The following TIE1 variants were observed in gnomAD, a reference collection of about 807,000 sequenced individuals.
TIE1 encodes the protein tyrosine-protein kinase receptor Tie-1.
A neutral mutation model predicts 130.5 loss-of-function variants in TIE1; 89 were observed. That is an observed-to-expected ratio of 0.68 (90% CI 0.57 to 0.81). The LOEUF (loss-of-function observed/expected upper bound fraction) is 0.81. Ranked by LOEUF, TIE1 falls within the 40% of genes least tolerant of loss-of-function variation. The probability of loss-of-function intolerance (pLI) is 0.00; values close to 1 mark genes in which losing one functional copy is unlikely to be tolerated. For missense variants in TIE1, 1,392 were observed against 1,559.8 expected (o/e 0.89, Z 1.81); for synonymous variants, 568 against 629.4 (o/e 0.90, Z 1.46).
Position 43,317,983 on chromosome 1 carries a change from C to T in TIE1, c.2833C>T (p.His945Tyr), listed in dbSNP as rs1221274574. 1.2e-6 allele frequency: 2 copies of T among 1,611,404 alleles called. No individual in the cohort carries two copies. The highest frequency in any genetic ancestry group is 3.4e-5 in the Admixed American group (2 of 59,644). The change falls in exon 17 of 23, where the codon CAT (histidine) becomes TAT (tyrosine). Residue 945 changes from histidine to tyrosine, a missense_variant. By Grantham distance (83) the His-to-Tyr change is moderately conservative. Around this residue, in one of 6 missense-constraint regions of TIE1, gnomAD observed 286 missense variants for 354.4 expected, o/e 0.81. Transcript: ENST00000372476. This position sits in a 1 kb window ranked among gnomAD's most constrained non-coding sequence, Gnocchi z 5.1. ...GACTGACCCAGCTTTTGCTCGAGAG[C>T]ATGGGACAGCCTCTACCCTTAGCTC... is the stretch of plus-strand genomic sequence containing the variant. ...LETDPAFAREHGTASTLSSRQ... is the reference protein window; with the variant it reads ...LETDPAFAREYGTASTLSSRQ...
At chr1:43,314,200 T>G in intron 14 of TIE1, 1 of 695,148 alleles carries the variant, frequency 1.4e-6, no homozygotes. Flanking sequence ...ATATTTAATA[T>G]TCCCATTTCA....
rs1646819222 is a variant in TIE1, at chr1:43,313,256, G to A, written c.2049G>A (p.Val683=). ...CCAAGTACGTTGTGGAGGTGCAGGT[G>A]GCTGGGGGTGCAGGAGACCCACTGT... is the stretch of plus-strand genomic sequence containing the variant. The part of the protein sequence containing the change: ...PISKYVVEVQ[V]AGGAGDPLWI... The change falls in exon 13 of 23, where the codon GTG becomes GTA. Residue 683 remains valine, a synonymous_variant. Transcript: ENST00000372476. The surrounding 1 kb of genome is among the most constrained non-coding windows in gnomAD (Gnocchi z 6.2). 3 of 1,613,944 alleles carry A rather than the reference G, an allele frequency of 1.9e-6. No individual in the cohort carries two copies. The highest frequency in any genetic ancestry group is 2.5e-6 in the Non-Finnish European group (3 of 1,179,950).
At chr1:43,314,378 T>C in intron 14 of TIE1, 5 of 1,131,782 alleles carry the variant, frequency 4.4e-6, no homozygotes, top group South Asian at 2.0e-5. Context: ...CTTTTGTCCT[T>C]GCAGGCCTTC....
chr1:43,307,771 C>CT lies in TIE1; in HGVS notation c.914-24dup. ...TCATTGCCCCCTGTCCCATGCCCCT[C>CT]TAATCATACCTCCTCTATTCCCAGC... On this transcript the variant is annotated intron_variant, in intron 6 of 22. Transcript: ENST00000372476. The surrounding 1 kb of genome is among the most constrained non-coding windows in gnomAD (Gnocchi z 5.4). The CT allele has an allele frequency of 6.2e-7, 1 of 1,613,912 alleles. No individual in the cohort carries two copies. Among genetic ancestry groups the CT allele is most frequent in the Non-Finnish European group, 8.5e-7 (1 of 1,179,844 alleles).
At chr1:43,321,830 G>C (rs772311402) in intron 22 of TIE1, 115 bp downstream of exon 22, 80 of 983,816 alleles carry the variant, frequency 8.1e-5, no homozygotes, top group Non-Finnish European at 1.1e-4. Flanking sequence ...CTCCCTCAGT[G>C]GGGGCTGTCA....
chr1:43,314,606 T>C (rs1646841225), intron 14 of TIE1: 1 of 940,722 alleles, frequency 1.1e-6, no homozygotes, highest in Admixed American at 6.1e-5. Flanking sequence ...GGCGGGTGGA[T>C]CGCCTGAGGT....
chr1:43,301,236 C>T, intron 1 of TIE1, 107 bp downstream of exon 1: 3 of 1,273,082 alleles, frequency 2.4e-6, no homozygotes, highest in East Asian at 2.5e-5. Context: ...TGATGGTTGC[C>T]ATGGGCTGCA....
At position 43,307,741 on chromosome 1, in the gene TIE1, T is replaced by G. The variant is rs529431238; in HGVS notation, c.914-55T>G. 2 of 1,609,872 alleles carry G rather than the reference T, an allele frequency of 1.2e-6. No homozygotes were observed. Among genetic ancestry groups the G allele is most frequent in the African/African-American group, 2.7e-5 (2 of 74,986 alleles). ...TGTGCCCCATCTGCGCCCTCATCTG[T>G]GCCCTCATTGCCCCCTGTCCCATGC... On this transcript the variant is annotated intron_variant, in intron 6 of 22. Transcript: ENST00000372476. The surrounding 1 kb of genome is among the most constrained non-coding windows in gnomAD (Gnocchi z 5.4).
Position 43,317,525 on chromosome 1 carries a change from A to C in TIE1, c.2621-39A>C, listed in dbSNP as rs1249973693. On this transcript the variant is annotated intron_variant, in intron 15 of 22. Coordinates refer to ENST00000372476, the MANE Select transcript of TIE1 (RefSeq NM_005424.5). This position sits in a 1 kb window ranked among gnomAD's most constrained non-coding sequence, Gnocchi z 5.1. ...CAGCCCTTGCCAGCCCTTTCTCCAG[A>C]GTTATTTCTGGCAAAATAATATTGG... 5 of 1,608,844 alleles carry C rather than the reference A, an allele frequency of 3.1e-6. No individual in the cohort carries two copies. The Admixed American group carries it at 5.0e-5, about 16-fold the overall frequency.
intron 1 of TIE1, among the ~76,000 whole-genome samples, chr1:43,301,455 C>G (rs1646668767): frequency 6.6e-6 from 1 of 150,746 alleles, no homozygotes; most frequent in Non-Finnish European, 1.5e-5. Context: ...GACCCCGTCT[C>G]CATTGTGTTT....
Position 43,313,649 on chromosome 1 carries a change from G to A in TIE1, c.2219-129G>A. 1 of 1,141,180 alleles carries A rather than the reference G, an allele frequency of 8.8e-7. No individual in the cohort carries two copies. Among genetic ancestry groups the A allele is most frequent in the Non-Finnish European group, 1.2e-6 (1 of 822,412 alleles). The allele number at this position is 1,141,180 out of a possible 1,614,324, so 70.7% of individuals were successfully genotyped here. A position where few individuals can be genotyped will look rare whatever the true frequency, so the allele number is the denominator to read the frequency against. ...TGACACCCCTCATCCCTTCCTTCAT[G>A]TGGCCCAAGTGATTTCCTGACAGTC... On this transcript the variant is annotated intron_variant, in intron 13 of 22. Transcript: ENST00000372476. This position sits in a 1 kb window ranked among gnomAD's most constrained non-coding sequence, Gnocchi z 6.2.
rs768742228 is a variant in TIE1 at position 43,317,696 on chromosome 1, T to C, written c.2731+22T>C. The C allele has an allele frequency of 6.5e-7, 1 of 1,547,440 alleles. No homozygotes were observed. Among genetic ancestry groups the C allele is most frequent in the Non-Finnish European group, 8.8e-7 (1 of 1,141,488 alleles). On this transcript the variant is annotated intron_variant, in intron 16 of 22. Coordinates refer to ENST00000372476, the MANE Select transcript of TIE1 (RefSeq NM_005424.5). This position sits in a 1 kb window ranked among gnomAD's most constrained non-coding sequence, Gnocchi z 5.1. ...CGAGGTGAGCCCCCAGCTCATCACCTACCCCTTCTTCCAAACCCCCATCCT... is the reference window on the plus strand; with the variant it reads ...CGAGGTGAGCCCCCAGCTCATCACCCACCCCTTCTTCCAAACCCCCATCCT...
At chr1:43,314,147 A>G (rs747300391) in intron 14 of TIE1, 179 bp downstream of exon 14, 13 of 854,488 alleles carry the variant, frequency 1.5e-5, no homozygotes, top group Non-Finnish European at 2.4e-5. Context: ...TTATTTCTCT[A>G]AAACTGAATT....
At position 43,307,106 on chromosome 1, in the gene TIE1, G is replaced by A. The variant is rs374760349; in HGVS notation, c.641-36G>A. 5 of 1,613,688 alleles carry A rather than the reference G, an allele frequency of 3.1e-6. No homozygotes were observed. In the African/African-American group the frequency reaches 6.7e-5, roughly 22 times the overall value. The stretch of plus-strand genomic sequence containing the variant: ...GATCTCCAGTCCTCAGTGGTCAGGT[G>A]GGTGAGGGTCAGCTGCTGAAGACAC... On this transcript the variant is annotated intron_variant, in intron 4 of 22. Coordinates refer to ENST00000372476, the MANE Select transcript of TIE1 (RefSeq NM_005424.5). The surrounding 1 kb of genome is among the most constrained non-coding windows in gnomAD (Gnocchi z 5.4).
Position 43,313,000 on chromosome 1 carries a change from G to T in TIE1, c.1928-135G>T. ...ATGGAGAGGAATTCAGTCTGGTGGG[G>T]AGGAGGAAGTTGGCAGGGTGGCCCC... On this transcript the variant is annotated intron_variant, in intron 12 of 22. Transcript: ENST00000372476. The surrounding 1 kb of genome is among the most constrained non-coding windows in gnomAD (Gnocchi z 5.6). The T allele has an allele frequency of 1.0e-6, 1 of 1,003,828 alleles. No individual in the cohort carries two copies. Among genetic ancestry groups the T allele is most frequent in the Non-Finnish European group, 1.5e-6 (1 of 684,840 alleles). The allele number at this position is 1,003,828 out of a possible 1,614,324, so 62.2% of individuals were successfully genotyped here.
At chr1:43,301,860 C>T (rs574725681) in intron 1 of TIE1, among the ~76,000 whole-genome samples, 2 of 152,298 alleles carry the variant, frequency 1.3e-5, no homozygotes, top group African/African-American at 4.8e-5. Context: ...CAGAGCAAGA[C>T]TCATCTAAAA....
At position 43,313,739 on chromosome 1, in the gene TIE1, C is replaced by T; in HGVS notation, c.2219-39C>T. The T allele has an allele frequency of 6.3e-7, 1 of 1,576,992 alleles. No individual in the cohort carries two copies. Among genetic ancestry groups the T allele is most frequent in the Non-Finnish European group, 8.6e-7 (1 of 1,159,806 alleles). ...CATGGTGGCCTCTGGGTTCCCTGAC[C>T]CAGGTGTCCCCACAATCTGCCCCTC... On this transcript the variant is annotated intron_variant, in intron 13 of 22. Coordinates refer to ENST00000372476, the MANE Select transcript of TIE1 (RefSeq NM_005424.5). The surrounding 1 kb of genome is among the most constrained non-coding windows in gnomAD (Gnocchi z 6.2).
chr1:43,302,124 G>A (rs1023178849), intron 1 of TIE1, among the ~76,000 whole-genome samples: 3 of 152,128 alleles, frequency 2.0e-5, no homozygotes, highest in Non-Finnish European at 2.9e-5. Flanking sequence ...AATTGTGTTG[G>A]ATTCACTCAG....
Position 43,315,298 on chromosome 1 carries a change from C to G in TIE1, c.2409+1330C>G, listed in dbSNP as rs1039594479. 2 of 152,228 alleles carry G rather than the reference C, an allele frequency of 1.3e-5. No homozygotes were observed. Among genetic ancestry groups the G allele is most frequent in the Non-Finnish European group, 2.9e-5 (2 of 68,046 alleles). 9.4% of individuals were successfully genotyped at this position (152,228 alleles called of 1,614,324 possible). ...TAAAAAATAAAAAAAGAAAGAAAAC[C>G]CTCTTCTCTCTCAAGGGCTGATCCT... On this transcript the variant is annotated intron_variant, in intron 14 of 22. Coordinates refer to ENST00000372476, the MANE Select transcript of TIE1 (RefSeq NM_005424.5). This position sits in a 1 kb window ranked among gnomAD's most constrained non-coding sequence, Gnocchi z 4.4.
Sources: allele counts gnomAD v4.1 joint callset (sites outside exome capture counted in the v4.1 genomes callset), GRCh38; gene constraint gnomAD v4.1.1; regional missense constraint gnomAD v4.1.1; non-coding constraint Gnocchi (gnomAD v3.1); transcripts MANE v1.5; gene names NCBI Gene and HGNC (gene_info 2026-07-23, HGNC 2026-07-21).